Variants in RHBDL2 observed in about 807,000 individuals in gnomAD.
RHBDL2 encodes the protein rhomboid like 2, also known as rhomboid-related protein 2.
In RHBDL2, 26 loss-of-function variants were observed where a neutral mutation model predicts 31.7. That is an observed-to-expected ratio of 0.82 (90% CI 0.60 to 1.14). The LOEUF is 1.14. RHBDL2 is among the 50% of genes most tolerant of loss of function. The pLI, the probability that RHBDL2 is intolerant of heterozygous loss-of-function variation, is 0.00. For synonymous variants in RHBDL2, 123 were observed against 127.2 expected (o/e 0.97, Z 0.22); for missense variants, 336 against 364.4 (o/e 0.92, Z 0.63).
intron 2 of RHBDL2, 67 bp downstream of exon 2, chr1:38,918,900 T>G: frequency 6.4e-7 from 1 of 1,560,272 alleles, no homozygotes; most frequent in Non-Finnish European, 8.7e-7. Context: ...GATCTAGATC[T>G]GACCCCTAGT....
chr1:38,903,432 C>T (rs1172006615), intron 4 of RHBDL2, among the ~76,000 whole-genome samples: 3 of 151,958 alleles, frequency 2.0e-5, no homozygotes, highest in Non-Finnish European at 2.9e-5. Flanking sequence ...GAGCTACCAC[C>T]CCCGGCCGAG....
At position 38,929,477 on chromosome 1, in the gene RHBDL2, A is replaced by T. The variant is rs1032347788; in HGVS notation, c.-125-10140T>A. The T allele has an allele frequency of 1.2e-5, 16 of 1,289,346 alleles. 1 individual carries two copies. The African/African-American group carries it at 2.4e-4, about 20-fold the overall frequency. 79.9% of individuals were successfully genotyped at this position (1,289,346 alleles called of 1,614,324 possible). Reference sequence around the variant, plus strand: ...CTCCTTTTCCATGGCAGACACTTTTAGTTGTGAGCTTGTGCCGCTTGCCTA... The same window carrying T: ...CTCCTTTTCCATGGCAGACACTTTTTGTTGTGAGCTTGTGCCGCTTGCCTA... On this transcript the variant is annotated intron_variant, in intron 1 of 7. Transcript: ENST00000372990.
At chr1:38,913,922 T>A (rs189785999) in intron 3 of RHBDL2, among the ~76,000 whole-genome samples, 4 of 152,096 alleles carry the variant, frequency 2.6e-5, no homozygotes, top group Admixed American at 2.6e-4. Context: ...ATTGAGACCA[T>A]CCTGGCCAAC....
intron 1 of RHBDL2, among the ~76,000 whole-genome samples, chr1:38,924,390 C>G (rs1389673664): frequency 6.6e-6 from 1 of 152,042 alleles, no homozygotes; most frequent in Non-Finnish European, 1.5e-5. Context: ...GTCAGGAGAT[C>G]GAGATCATCC....
In RHBDL2 at chr1:38,915,599, C is replaced by A. The variant is rs766147941; in HGVS notation, c.358G>T (p.Ala120Ser). 2 of 1,614,064 alleles carry A rather than the reference C, an allele frequency of 1.2e-6. No homozygotes were observed. Among genetic ancestry groups the A allele is most frequent in the East Asian group, 4.5e-5 (2 of 44,894 alleles). ...AGCATGTATGAGATAAACCTCCAGG[C>A]TTCCTCCCTCTTCTCAGGACTGTAG... ...FIYSPEKREE[A>S]WRFISYMLVH... The change falls in exon 3 of 8, where the codon GCC (alanine) becomes TCC (serine). Residue 120 changes from alanine to serine, a missense_variant. Ala to Ser is a moderately conservative substitution (Grantham distance 99, BLOSUM62 1). Transcript: ENST00000372990.
intron 3 of RHBDL2, among the ~76,000 whole-genome samples, chr1:38,913,261 G>A (rs1263568300): frequency 6.6e-6 from 1 of 151,954 alleles, no homozygotes; most frequent in South Asian, 2.1e-4. Flanking sequence ...TACAAGGCAT[G>A]AGCCACTGCA....
intron 4 of RHBDL2, among the ~76,000 whole-genome samples, chr1:38,909,131 C>G (rs1643108323): frequency 6.6e-6 from 1 of 152,188 alleles, no homozygotes; most frequent in Non-Finnish European, 1.5e-5. Flanking sequence ...GCTTGTGTGT[C>G]TGCAGGCTAG....
chr1:38,894,265 C>G (rs1167334503), intron 5 of RHBDL2, among the ~76,000 whole-genome samples: 2 of 152,090 alleles, frequency 1.3e-5, no homozygotes, highest in Non-Finnish European at 2.9e-5. Flanking sequence ...TTAGTGATTT[C>G]TATATTTGGA....
intron 6 of RHBDL2, 126 bp from the exon 7 acceptor site, chr1:38,888,150 C>T (rs1206541629): frequency 1.6e-6 from 1 of 607,268 alleles, no homozygotes; most frequent in Non-Finnish European, 2.9e-6. Context: ...GTGACAGGTG[C>T]TTTTCTAAGA....
chr1:38,912,074 C>T (rs1643156490), intron 3 of RHBDL2, among the ~76,000 whole-genome samples: 1 of 151,902 alleles, frequency 6.6e-6, no homozygotes, highest in African/African-American at 2.4e-5. Flanking sequence ...TGAGTTCAAG[C>T]GATTCTCCTG....
chr1:38,895,310 C>T (rs572326669), intron 5 of RHBDL2, among the ~76,000 whole-genome samples: 2 of 152,024 alleles, frequency 1.3e-5, no homozygotes, highest in Non-Finnish European at 2.9e-5. Context: ...TATTCCTTTA[C>T]TTTCTTAATA....
At chr1:38,915,119 G>A (rs1447056059) in intron 3 of RHBDL2, among the ~76,000 whole-genome samples, 1 of 151,006 alleles carries the variant, frequency 6.6e-6, no homozygotes, top group African/African-American at 2.4e-5. Flanking sequence ...GTGTGACTTG[G>A]AACAAGTGAC....
chr1:38,912,910 A>ATATATGTGTGTGTGTGTGTGTGTG (rs1399583863), intron 3 of RHBDL2, among the ~76,000 whole-genome samples: 1 of 41,392 alleles, frequency 2.4e-5, no homozygotes, highest in African/African-American at 9.2e-5. Flanking sequence ...ATATATATAT[A>ATATATGTGTGTGTGTGTGTGTGTG]TGTGTGTGTG....
intron 7 of RHBDL2, 60 bp from the exon 8 acceptor site, chr1:38,886,743 G>T: frequency 7.6e-7 from 1 of 1,317,214 alleles, no homozygotes; most frequent in Non-Finnish European, 1.0e-6. Flanking sequence ...GTGTATTTCA[G>T]TTGCATCTCT....
intron 6 of RHBDL2, among the ~76,000 whole-genome samples, chr1:38,892,667 A>T (rs1642869185): frequency 6.6e-6 from 1 of 152,222 alleles, no homozygotes; most frequent in Non-Finnish European, 1.5e-5. Context: ...TGAAAATATT[A>T]TGTGAGATGA....
chr1:38,919,978 AC>A (rs1252999802), intron 1 of RHBDL2, among the ~76,000 whole-genome samples: 8 of 151,794 alleles, frequency 5.3e-5, no homozygotes, highest in African/African-American at 9.7e-5. Flanking sequence ...ACAAACAAAA[AC>A]CCCATACCCA....
intron 6 of RHBDL2, 33 bp downstream of exon 6, chr1:38,893,130 TG>T: frequency 8.1e-7 from 1 of 1,234,104 alleles, no homozygotes; most frequent in Non-Finnish European, 1.2e-6. Context: ...TATTTTCACT[TG>T]GACAGTATGA....
chr1:38,936,518 A>C (rs9438996), intron 1 of RHBDL2, among the ~76,000 whole-genome samples: 6 of 143,640 alleles, frequency 4.2e-5, no homozygotes, highest in South Asian at 2.2e-4. Context: ...TTTTTTTTTC[A>C]AGATGGAGTT....
intron 6 of RHBDL2, among the ~76,000 whole-genome samples, chr1:38,889,549 C>A (rs1398855745): frequency 6.6e-6 from 1 of 152,032 alleles, no homozygotes; most frequent in Non-Finnish European, 1.5e-5. Flanking sequence ...ACCAAGACAC[C>A]AAGACTCCAC....
Sources: gnomAD v4.1 joint callset for allele counts (sites outside exome capture counted in the v4.1 genomes callset) on GRCh38, gnomAD v4.1.1 for gene constraint, MANE v1.5 for transcripts, NCBI Gene and HGNC (gene_info 2026-07-23, HGNC 2026-07-21) for gene names.